ELAPOR2: variants seen among roughly 807,000 people sequenced by gnomAD.
ELAPOR2 encodes endosome-lysosome associated apoptosis and autophagy regulator family member 2, also known as endosome/lysosome-associated apoptosis and autophagy regulator family member 2.
In ELAPOR2, 89 loss-of-function variants were observed where a neutral mutation model predicts 120.7. That is an observed-to-expected ratio of 0.74 (90% confidence interval 0.62 to 0.88). The LOEUF is 0.88. Among genes scored for constraint, ELAPOR2 ranks in the 40% least tolerant of loss-of-function variants. ELAPOR2 has a pLI of 0.00. For missense variants in ELAPOR2, 1,134 were observed against 1,251.6 expected, an observed-to-expected ratio of 0.91 and a Z score of 1.42; for synonymous variants, 444 against 444.9, an observed-to-expected ratio of 1.00 and a Z score of 0.03.
chr7:86,916,765 C>A (rs1024399611), intron 12 of ELAPOR2, among the ~76,000 whole-genome samples: 8 of 151,936 alleles, frequency 5.3e-5, no homozygotes, highest in Admixed American at 6.6e-5. Flanking sequence ...ATAAAAAGCA[C>A]CAAGGGAAGG....
chr7:86,898,424 C>A (rs1024989336), intron 18 of ELAPOR2, among the ~76,000 whole-genome samples: 1 of 151,988 alleles, frequency 6.6e-6, no homozygotes, highest in Admixed American at 6.6e-5. Flanking sequence ...AAACTGACTG[C>A]GGTGGTGGTT....
chr7:86,885,880 TGCTAAAGGAGATCCCTTAACCAAGAACA>T (rs1799664620), intron 21 of ELAPOR2, among the ~76,000 whole-genome samples: 1 of 152,118 alleles, frequency 6.6e-6, no homozygotes, highest in African/African-American at 2.4e-5. Context: ...ATCTCATACA[TGCTAAAGGAGATCCCTTAACCAAGAACA>T]GCTACATGTA....
intron 21 of ELAPOR2, 72 bp from the exon 22 acceptor site, chr7:86,880,602 G>T: frequency 1.1e-6 from 1 of 946,644 alleles, no homozygotes; most frequent in Non-Finnish European, 1.7e-6. Context: ...TACATGTCCA[G>T]AAGGAAAGTT....
intron 18 of ELAPOR2, 129 bp from the exon 19 acceptor site, chr7:86,897,761 G>A: frequency 9.8e-6 from 10 of 1,025,512 alleles, no homozygotes; most frequent in Admixed American, 4.9e-5. Context: ...AAACACAAGT[G>A]GAAAAAAGTC....
chr7:87,002,356 T>C (rs1275830668), intron 1 of ELAPOR2, among the ~76,000 whole-genome samples: 1 of 152,114 alleles, frequency 6.6e-6, no homozygotes, highest in Non-Finnish European at 1.5e-5. Context: ...AGAGGGAAGA[T>C]AGGGCACAGT....
chr7:86,969,675 A>G (rs1335600931), intron 1 of ELAPOR2, among the ~76,000 whole-genome samples: 2 of 152,206 alleles, frequency 1.3e-5, no homozygotes, highest in Non-Finnish European at 2.9e-5. Flanking sequence ...CTCAAAGTGG[A>G]ACAGTGACAT....
At chr7:86,930,656 T>C (rs1350067230) in intron 8 of ELAPOR2, among the ~76,000 whole-genome samples, 2 of 151,988 alleles carry the variant, frequency 1.3e-5, no homozygotes, top group Non-Finnish European at 2.9e-5. Context: ...AGAAGTTGTA[T>C]AGCCTAATGC....
At chr7:87,036,237 G>C (rs1794583392) in intron 1 of ELAPOR2, among the ~76,000 whole-genome samples, 1 of 152,342 alleles carries the variant, frequency 6.6e-6, no homozygotes, top group African/African-American at 2.4e-5. Context: ...ACTTTGGGAG[G>C]CTGAGGTGGG....
intron 12 of ELAPOR2, among the ~76,000 whole-genome samples, chr7:86,917,478 G>A (rs898636347): frequency 2.0e-5 from 3 of 152,086 alleles, no homozygotes; most frequent in African/African-American, 7.2e-5. Context: ...TGAGAAGAAC[G>A]TATAGGAGAC....
intron 19 of ELAPOR2, among the ~76,000 whole-genome samples, chr7:86,895,253 C>T (rs775981432): frequency 5.3e-5 from 8 of 152,030 alleles, no homozygotes; most frequent in Non-Finnish European, 7.4e-5. Context: ...GTATATGAAG[C>T]TCACGGAGGA....
chr7:86,927,438 T>C (rs1790126023), intron 8 of ELAPOR2, among the ~76,000 whole-genome samples: 1 of 151,992 alleles, frequency 6.6e-6, no homozygotes, highest in South Asian at 2.1e-4. Context: ...GGAGTCTTTT[T>C]CAATAACCTG....
At chr7:86,952,586 A>G (rs191527332) in intron 2 of ELAPOR2, among the ~76,000 whole-genome samples, 2 of 152,274 alleles carry the variant, frequency 1.3e-5, no homozygotes, top group East Asian at 3.9e-4. Context: ...CAATAACCTC[A>G]TATTTCTTGT....
intron 8 of ELAPOR2, among the ~76,000 whole-genome samples, chr7:86,936,057 T>C (rs1790548663): frequency 6.6e-6 from 1 of 151,928 alleles, no homozygotes; most frequent in Admixed American, 6.6e-5. Context: ...TCCTTGTCAA[T>C]CAACTCGATC....
Position 86,912,992 on chromosome 7 carries a change from G to A in ELAPOR2, c.1944C>T (p.Val648=). 6.2e-7 allele frequency: 1 copy of A among 1,613,996 alleles called. No homozygotes were observed. Among genetic ancestry groups the A allele is most frequent in the Non-Finnish European group, 8.5e-7 (1 of 1,179,948 alleles). ...ATGGAATACAAGCCTCTTTGCCATAGACCTGATGTATGGACAGGTAGGTGT... is the reference window on the plus strand; with the variant it reads ...ATGGAATACAAGCCTCTTTGCCATAAACCTGATGTATGGACAGGTAGGTGT... The part of the protein sequence containing the change: ...PPDTYLSIHQ[V]YGKEACIPCG... Residue 648 remains valine, a synonymous_variant, in exon 14 of 22, where the codon GTC becomes GTT. Coordinates refer to ENST00000450689, the MANE Select transcript of ELAPOR2 (RefSeq NM_001142749.3).
chr7:86,999,349 C>T (rs1247903525), intron 1 of ELAPOR2, among the ~76,000 whole-genome samples: 1 of 151,950 alleles, frequency 6.6e-6, no homozygotes, highest in Non-Finnish European at 1.5e-5. Context: ...ACAAAGAAAC[C>T]TTTCCAAGAA....
intron 1 of ELAPOR2, among the ~76,000 whole-genome samples, chr7:87,039,894 C>A (rs1047785249): frequency 1.3e-5 from 2 of 151,376 alleles, no homozygotes; most frequent in East Asian, 1.9e-4. Context: ...AGACAGAGGG[C>A]GCAGGTCAGT....
chr7:87,042,303 T>C (rs1032828881), intron 1 of ELAPOR2, among the ~76,000 whole-genome samples: 5 of 149,770 alleles, frequency 3.3e-5, no homozygotes, highest in Admixed American at 6.6e-5. Context: ...GTCAACAGAA[T>C]ATACATTTTT....
chr7:86,963,926 C>T (rs1294814805), intron 2 of ELAPOR2, among the ~76,000 whole-genome samples: 1 of 152,212 alleles, frequency 6.6e-6, no homozygotes, highest in African/African-American at 2.4e-5. Context: ...TAATATCATT[C>T]ACCAAGAAAT....
chr7:86,881,782 A>T (rs903670937), intron 21 of ELAPOR2, among the ~76,000 whole-genome samples: 1 of 152,232 alleles, frequency 6.6e-6, no homozygotes, highest in African/African-American at 2.4e-5. Flanking sequence ...CTATGCTAAT[A>T]AAGAGAATAA....
Sources: gnomAD v4.1 joint callset for allele counts (sites outside exome capture counted in the v4.1 genomes callset) on GRCh38, gnomAD v4.1.1 for gene constraint, MANE v1.5 for transcripts, NCBI Gene and HGNC (gene_info 2026-07-23, HGNC 2026-07-21) for gene names.